MYB: variants seen among roughly 807,000 people sequenced by gnomAD.
MYB encodes transcriptional activator Myb.
In MYB, 28 loss-of-function variants were observed where a neutral mutation model predicts 92.9. The observed-to-expected ratio is 0.30, with a 90% CI of 0.22 to 0.41. MYB has a LOEUF of 0.41. MYB is among the 10% of genes least tolerant of loss of function. MYB has a pLI of 1.00. For missense variants in MYB, 679 were observed against 929.3 expected (o/e 0.73, Z 3.50); for synonymous variants, 295 against 329.1 (o/e 0.90, Z 1.12).
At chr6:135,196,902 G>A (rs996571538) in intron 9 of MYB, 59 bp from the exon 10 acceptor site, 36 of 1,588,034 alleles carry the variant, frequency 2.3e-5, no homozygotes, top group South Asian at 1.4e-4. Context: ...TCTCAGTGCT[G>A]TTTCAGGTGA....
Position 135,189,006 on chromosome 6 carries a change from C to G in MYB, c.214-785C>G, listed in dbSNP as rs138684480. ...CAGTTCTGTTTCCTGCTTCCTCTCT[C>G]TAAGCAGGTTTGCTTGAATTTATTT... On this transcript the variant is annotated intron_variant, in intron 3 of 15. Transcript: ENST00000341911. 8.9e-3 allele frequency among the ~76,000 whole-genome samples: 1,360 copies of G among 152,320 alleles called. 23 individuals carry two copies. Among genetic ancestry groups the G allele is most frequent in the African/African-American group, 0.031 (1,289 of 41,566 alleles).
At chr6:135,194,528 C>G (rs1054603880) in intron 8 of MYB, 68 bp downstream of exon 8, 12 of 1,096,652 alleles carry the variant, frequency 1.1e-5, no homozygotes, top group African/African-American at 1.6e-5. Context: ...AAGCGCTCTT[C>G]TCTTCTAAAT....
At position 135,192,498 on chromosome 6, in the gene MYB, C is replaced by T. The variant is rs751058587; in HGVS notation, c.702C>T (p.Ala234=). 1.2e-4 allele frequency: 192 copies of T among 1,614,144 alleles called. 2 individuals are homozygous for T. The highest frequency in any genetic ancestry group is 3.0e-4 in the Admixed American group (18 of 60,016). The change falls in exon 6 of 16, where the codon GCC becomes GCT. Residue 234 remains alanine (A), a synonymous_variant. Coordinates refer to ENST00000341911, the MANE Select transcript of MYB (RefSeq NM_001130173.2). ...AQAPPTAQLP[A]TGQPTVNNDY... ...CTCCGCCTACAGCTCAACTCCCTGC[C>T]ACTGGCCAGCCCACTGTTAACAACG...
intron 1 of MYB, among the ~76,000 whole-genome samples, chr6:135,184,913 G>C (rs1168972690): frequency 1.3e-5 from 2 of 152,102 alleles, no homozygotes; most frequent in Non-Finnish European, 2.9e-5. Flanking sequence ...CTGATCAGTT[G>C]ATTAGATTAA....
At chr6:135,211,779 G>A (rs1779739311) in intron 15 of MYB, among the ~76,000 whole-genome samples, 2 of 152,162 alleles carry the variant, frequency 1.3e-5, no homozygotes, top group South Asian at 2.1e-4. Context: ...ATTGGTGGAT[G>A]AGGCAACTTC....
intron 15 of MYB, among the ~76,000 whole-genome samples, chr6:135,206,063 G>A (rs969671240): frequency 7.3e-5 from 11 of 151,618 alleles, no homozygotes; most frequent in Non-Finnish European, 1.3e-4. Flanking sequence ...AAAATTAGCC[G>A]GGCGTAGTGG....
chr6:135,205,933 T>C (rs1378181586), intron 15 of MYB, among the ~76,000 whole-genome samples: 1 of 152,086 alleles, frequency 6.6e-6, no homozygotes, highest in East Asian at 1.9e-4. Flanking sequence ...GGGCTGGGCG[T>C]GGTGGCTCAC....
At chr6:135,196,406 T>G (rs928667552) in intron 9 of MYB, among the ~76,000 whole-genome samples, 1 of 152,218 alleles carries the variant, frequency 6.6e-6, no homozygotes, top group Non-Finnish European at 1.5e-5. Context: ...AATTTTGTCT[T>G]GCTTTTGAAC....
At chr6:135,201,595 T>C (rs781614400) in intron 13 of MYB, 44 bp from the exon 14 acceptor site, 36 of 1,334,796 alleles carry the variant, frequency 2.7e-5, no homozygotes, top group Admixed American at 1.2e-4. Flanking sequence ...ACATGTTTCA[T>C]AGGAAGTTCT....
intron 15 of MYB, among the ~76,000 whole-genome samples, chr6:135,207,751 T>TC (rs1429589966): frequency 6.4e-4 from 98 of 151,990 alleles, no homozygotes; most frequent in African/African-American, 2.3e-3. Flanking sequence ...TTTTTTTTTT[T>TC]TGAGATGAAA....
intron 13 of MYB, chr6:135,200,745 G>C (rs936512371): frequency 9.8e-6 from 3 of 305,682 alleles, no homozygotes; most frequent in Non-Finnish European, 1.3e-5. Flanking sequence ...TGAAGAATTG[G>C]AATTTAAATT....
chr6:135,196,906 C>CA, intron 9 of MYB, 55 bp from the exon 10 acceptor site: 1 of 1,588,392 alleles, frequency 6.3e-7, no homozygotes, highest in Non-Finnish European at 8.6e-7. Context: ...AGTGCTGTTT[C>CA]AGGTGATGAT....
intron 14 of MYB, chr6:135,202,615 G>A (rs1483477622): frequency 4.0e-5 from 8 of 199,372 alleles, no homozygotes; most frequent in African/African-American, 1.7e-4. Flanking sequence ...TGATCTACCC[G>A]CCTCGGCCTC....
At chr6:135,199,095 A>G (rs983286879) in intron 11 of MYB, 45 bp downstream of exon 11, 4 of 1,441,720 alleles carry the variant, frequency 2.8e-6, no homozygotes, top group Admixed American at 2.3e-5. Flanking sequence ...TTATTTACTT[A>G]TATTTAATTA....
At position 135,200,673 on chromosome 6, in the gene MYB, A is replaced by T. The variant is rs1313242799; in HGVS notation, c.1950+258A>T. On this transcript the variant is annotated intron_variant, in intron 13 of 15. Transcript: ENST00000341911. ...GAGTATCAAGAAAAGGGAGGGAAAG[A>T]GGTTTTTAATGTACTTTTAAACATT... is the stretch of plus-strand genomic sequence containing the variant. The T allele has an allele frequency of 9.9e-6, 5 of 506,282 alleles. No individual in the cohort carries two copies. The Admixed American group carries it at 1.6e-4, about 16-fold the overall frequency. The allele number at this position is 506,282 out of a possible 1,614,324, so 31.4% of individuals were successfully genotyped here.
intron 15 of MYB, among the ~76,000 whole-genome samples, chr6:135,209,367 G>A (rs1411427744): frequency 6.6e-6 from 1 of 152,130 alleles, no homozygotes; most frequent in Non-Finnish European, 1.5e-5. Context: ...CCAAGTAGTT[G>A]GGATTACAGG....
intron 1 of MYB, among the ~76,000 whole-genome samples, chr6:135,183,387 C>T (rs1775440075): frequency 1.3e-5 from 2 of 152,298 alleles, no homozygotes; most frequent in South Asian, 4.1e-4. Context: ...CCCAGCACCT[C>T]TTTTCTTTTT....
chr6:135,203,458 G>T, intron 15 of MYB, 134 bp downstream of exon 15: 1 of 719,844 alleles, frequency 1.4e-6, no homozygotes, highest in East Asian at 2.7e-5. Context: ...ACATAGGGGA[G>T]TAATGCTTTT....
intron 15 of MYB, among the ~76,000 whole-genome samples, chr6:135,209,106 C>A (rs1779369738): frequency 6.6e-6 from 1 of 152,190 alleles, no homozygotes; most frequent in Non-Finnish European, 1.5e-5. Context: ...TTTCCTTACT[C>A]TCTTACTGGA....
Sources: gnomAD v4.1 joint callset for allele counts (sites outside exome capture counted in the v4.1 genomes callset) on GRCh38, gnomAD v4.1.1 for gene constraint, MANE v1.5 for transcripts, NCBI Gene and HGNC (gene_info 2026-07-23, HGNC 2026-07-21) for gene names.